Variants in AGMO observed in about 807,000 individuals in gnomAD.
AGMO encodes alkylglycerol monooxygenase, also known as glyceryl-ether monooxygenase.
In AGMO, 75 loss-of-function variants were observed where a neutral mutation model predicts 60.2. The observed-to-expected ratio is 1.25, with a 90% CI of 1.03 to 1.51. The LOEUF is 1.51. Among genes scored for constraint, AGMO ranks in the 40% most tolerant of loss-of-function variants. The probability of loss-of-function intolerance (pLI) is 0.00; values close to 1 mark genes in which losing one functional copy is unlikely to be tolerated. For synonymous variants in AGMO, 261 were observed against 177.1 expected, an observed-to-expected ratio of 1.47 and a Z score of -3.76; for missense variants, 763 against 525.5, an observed-to-expected ratio of 1.45 and a Z score of -4.42.
At chr7:15,427,840 C>A (rs1276897257) in intron 4 of AGMO, among the ~76,000 whole-genome samples, 1 of 152,020 alleles carries the variant, frequency 6.6e-6, no homozygotes, top group African/African-American at 2.4e-5. Context: ...ATCAATAGCC[C>A]TCCTTGTTGG....
At chr7:15,331,676 C>T (rs987648199) in intron 12 of AGMO, among the ~76,000 whole-genome samples, 1 of 152,078 alleles carries the variant, frequency 6.6e-6, no homozygotes, top group Non-Finnish European at 1.5e-5. Flanking sequence ...CCTGTAATCC[C>T]AACACTTTGG....
intron 10 of AGMO, among the ~76,000 whole-genome samples, chr7:15,377,012 T>C (rs113380048): frequency 3.9e-4 from 60 of 152,234 alleles, no homozygotes; most frequent in African/African-American, 1.4e-3. Flanking sequence ...CTCTAATATA[T>C]GCATAAACAG....
chr7:15,349,008 T>C (rs1410847158), intron 12 of AGMO, among the ~76,000 whole-genome samples: 1 of 151,986 alleles, frequency 6.6e-6, no homozygotes, highest in Non-Finnish European at 1.5e-5. Context: ...CTAATGTGAT[T>C]CACATTGTGA....
At chr7:15,256,471 T>C (rs532594409) in intron 12 of AGMO, among the ~76,000 whole-genome samples, 36 of 152,110 alleles carry the variant, frequency 2.4e-4, no homozygotes, top group South Asian at 1.9e-3. Context: ...GCCTCCCGAG[T>C]AGCTGGGACT....
At chr7:15,342,172 T>TTAAAAAAAAAAAAAAAAAAAAAAAAAAAA (rs1554418915) in intron 12 of AGMO, among the ~76,000 whole-genome samples, 1 of 54,310 alleles carries the variant, frequency 1.8e-5, no homozygotes, top group African/African-American at 9.3e-5. Context: ...CCCACAGAGT[T>TTAAAAAAAAAAAAAAAAAAAAAAAAAAAA]AAAAAAAAAA....
intron 12 of AGMO, among the ~76,000 whole-genome samples, chr7:15,352,452 T>A (rs969305273): frequency 6.6e-6 from 1 of 151,926 alleles, no homozygotes; most frequent in Non-Finnish European, 1.5e-5. Flanking sequence ...AGTATGTTTT[T>A]TTTTTTTTTT....
chr7:15,243,215 T>C (rs1453408642), intron 12 of AGMO, among the ~76,000 whole-genome samples: 2 of 152,114 alleles, frequency 1.3e-5, no homozygotes, highest in Admixed American at 6.5e-5. Context: ...AAAATGAACA[T>C]CTTCAAATTA....
intron 3 of AGMO, among the ~76,000 whole-genome samples, chr7:15,462,239 G>C (rs1207734122): frequency 6.6e-6 from 1 of 152,054 alleles, no homozygotes; most frequent in Non-Finnish European, 1.5e-5. Context: ...CACTATTTTA[G>C]CTCAAGAACT....
intron 3 of AGMO, among the ~76,000 whole-genome samples, chr7:15,493,497 C>T (rs559609806): frequency 1.4e-3 from 214 of 150,626 alleles, no homozygotes; most frequent in African/African-American, 4.9e-3. Flanking sequence ...CCTCAGCCTC[C>T]CGCGTAGCTG....
At chr7:15,176,493 T>A in the AGMO span, among the ~76,000 whole-genome samples, 1 of 151,978 alleles carries the variant, frequency 6.6e-6, no homozygotes, top group Non-Finnish European at 1.5e-5. Context: ...TTCTCTTGTA[T>A]CAAGAGAAAC....
chr7:15,302,773 G>A (rs1780482920), intron 12 of AGMO, among the ~76,000 whole-genome samples: 1 of 152,058 alleles, frequency 6.6e-6, no homozygotes, highest in Non-Finnish European at 1.5e-5. Flanking sequence ...TACGGTTGCT[G>A]GAATACAGTA....
chr7:15,498,115 G>C (rs1783282172), intron 3 of AGMO, among the ~76,000 whole-genome samples: 1 of 151,968 alleles, frequency 6.6e-6, no homozygotes, highest in African/African-American at 2.4e-5. Flanking sequence ...CTTACAATAA[G>C]GCTACCTAAA....
intron 9 of AGMO, among the ~76,000 whole-genome samples, 196 bp from the exon 10 acceptor site, chr7:15,385,758 C>T (rs1261986049): frequency 3.9e-5 from 6 of 152,056 alleles, no homozygotes; most frequent in Non-Finnish European, 7.4e-5. Flanking sequence ...CGTAGTCTGC[C>T]TTAAAGAGCA....
intron 12 of AGMO, among the ~76,000 whole-genome samples, chr7:15,359,291 C>CA (rs398003765): frequency 0.47 from 54,401 of 114,954 alleles, 11,058 homozygotes; most frequent in African/African-American, 0.52. Context: ...TCCGTCTCAA[C>CA]AAAAAAAAAA....
At chr7:15,164,613 A>G in the AGMO span, among the ~76,000 whole-genome samples, 1 of 151,748 alleles carries the variant, frequency 6.6e-6, no homozygotes, top group East Asian at 1.9e-4. Flanking sequence ...CAACAAACGT[A>G]TGAAAAAATG....
chr7:15,322,725 T>TAA (rs766428991), intron 12 of AGMO, among the ~76,000 whole-genome samples: 42,286 of 73,044 alleles, frequency 0.58, 12,958 homozygotes, highest in Admixed American at 0.7. Context: ...AATATATAAA[T>TAA]ATATATATAA....
At chr7:15,461,332 C>CA (rs551053983) in intron 3 of AGMO, among the ~76,000 whole-genome samples, 1,706 of 145,428 alleles carry the variant, frequency 0.012, 25 homozygotes, top group African/African-American at 0.035. Flanking sequence ...TTTCTATTTT[C>CA]AAAAAAAAAA....
At chr7:15,413,228 T>C (rs2128492878) in intron 5 of AGMO, among the ~76,000 whole-genome samples, 1 of 152,256 alleles carries the variant, frequency 6.6e-6, no homozygotes, top group African/African-American at 2.4e-5. Flanking sequence ...AATAGCAGCT[T>C]GGAGAAAGTA....
chr7:15,461,724 C>T (rs965682985), intron 3 of AGMO, among the ~76,000 whole-genome samples: 3 of 152,022 alleles, frequency 2.0e-5, no homozygotes, highest in African/African-American at 4.8e-5. Context: ...TTTTAGAATT[C>T]GTTTCCCTTG....
Sources: gnomAD v4.1 joint callset for allele counts (sites outside exome capture counted in the v4.1 genomes callset) on GRCh38, gnomAD v4.1.1 for gene constraint, MANE v1.5 for transcripts, NCBI Gene and HGNC (gene_info 2026-07-23, HGNC 2026-07-21) for gene names.